PCDH15: variants seen among roughly 807,000 people sequenced by gnomAD.
PCDH15 encodes the protein protocadherin related 15, also known as protocadherin-15.
PCDH15 carries 129 observed loss-of-function variants against 178.5 expected under a neutral mutation model. That is an observed-to-expected ratio of 0.72 (90% confidence interval 0.63 to 0.84). The LOEUF is 0.84. PCDH15 is among the 40% of genes least tolerant of loss of function. PCDH15 has a pLI of 0.00. For synonymous variants in PCDH15, 800 were observed against 732.0 expected (o/e 1.09, Z -1.50); for missense variants, 2,230 against 2,099.9 (o/e 1.06, Z -1.21).
chr10:54,250,077 C>CTTTTTTTTTTTTT (rs773771288), intron 8 of PCDH15, among the ~76,000 whole-genome samples: 1 of 137,810 alleles, frequency 7.3e-6, no homozygotes, highest in African/African-American at 2.7e-5. Context: ...CCACATCCGG[C>CTTTTTTTTTTTTT]TTTTTTTTTT....
At chr10:53,925,416 C>T (rs979660639) in intron 25 of PCDH15, among the ~76,000 whole-genome samples, 2 of 152,086 alleles carry the variant, frequency 1.3e-5, no homozygotes, top group Admixed American at 6.5e-5. Context: ...CCGAACACGC[C>T]CGAACATCAG....
chr10:54,218,205 A>C (rs540320892), intron 9 of PCDH15, among the ~76,000 whole-genome samples: 28 of 152,352 alleles, frequency 1.8e-4, no homozygotes, highest in Admixed American at 1.2e-3. Context: ...AAGAAGAGTA[A>C]TAGTATCAGA....
chr10:53,811,760 C>A, intron 35 of PCDH15, 141 bp from the exon 36 acceptor site: 1 of 479,158 alleles, frequency 2.1e-6, no homozygotes. Flanking sequence ...TCAGTTAAAG[C>A]AATTAAAATT....
chr10:54,752,478 A>AAC (rs1296435535), intron 1 of PCDH15, among the ~76,000 whole-genome samples: 15 of 88,304 alleles, frequency 1.7e-4, no homozygotes, highest in Admixed American at 6.8e-4. Flanking sequence ...CTCCGTCTCA[A>AAC]AAAAAAAAAA....
intron 3 of PCDH15, among the ~76,000 whole-genome samples, chr10:54,869,526 TA>T (rs1297489276): frequency 6.6e-6 from 1 of 152,202 alleles, no homozygotes; most frequent in African/African-American, 2.4e-5. Flanking sequence ...CTCTGAAATT[TA>T]AAAAGTAGGC....
chr10:54,289,731 C>A (rs1418030239), intron 8 of PCDH15, among the ~76,000 whole-genome samples: 1 of 152,082 alleles, frequency 6.6e-6, no homozygotes, highest in Non-Finnish European at 1.5e-5. Context: ...AACCATGGCA[C>A]AAGAACTTTG....
At chr10:54,798,811 G>A (rs947502285) in intron 1 of PCDH15, among the ~76,000 whole-genome samples, 6 of 151,954 alleles carry the variant, frequency 3.9e-5, no homozygotes, top group African/African-American at 1.4e-4. Flanking sequence ...GTATATGGGG[G>A]GCTTCTGTGT....
intron 26 of PCDH15, among the ~76,000 whole-genome samples, chr10:53,887,774 A>C (rs1166799747): frequency 6.6e-6 from 1 of 152,182 alleles, no homozygotes; most frequent in Non-Finnish European, 1.5e-5. Context: ...CTGTAGTCCC[A>C]GATACTCGGG....
At position 54,752,520 on chromosome 10, in the gene PCDH15, AC is replaced by A. The variant is rs746039809; in HGVS notation, c.-29+48404del. Among the ~76,000 whole-genome samples, 456 of 81,042 alleles carry A rather than the reference AC, an allele frequency of 5.6e-3. 56 individuals are homozygous for A. Among genetic ancestry groups the A allele is most frequent in the East Asian group, 6.8e-3 (30 of 4,384 alleles). 53.2% of individuals were successfully genotyped at this position (81,042 alleles called of 152,430 possible). ...AAAACAAAAAACAAAAAACAAACAA[AC>A]AAACAAACAAAAAAAAACAATAAAA... is the stretch of plus-strand genomic sequence containing the variant. On this transcript the variant is annotated intron_variant, in intron 1 of 37. Transcript: ENST00000644397.
chr10:53,927,183 T>G (rs1279771041), intron 25 of PCDH15, among the ~76,000 whole-genome samples: 1 of 151,714 alleles, frequency 6.6e-6, no homozygotes. Flanking sequence ...AATGTTAACA[T>G]TAGTCAAAGA....
intron 2 of PCDH15, among the ~76,000 whole-genome samples, chr10:55,016,088 CTT>C (rs1214456541): frequency 2.7e-5 from 3 of 112,438 alleles, no homozygotes; most frequent in Non-Finnish European, 3.6e-5. Context: ...CCTCAATGAC[CTT>C]TTTTTTTTAA....
intron 25 of PCDH15, 108 bp downstream of exon 25, chr10:53,938,707 T>C (rs1216001717): frequency 8.3e-7 from 1 of 1,208,722 alleles, no homozygotes; most frequent in Non-Finnish European, 1.2e-6. Context: ...ATTAATGATC[T>C]TTCTATGTTG....
chr10:55,021,175 T>C (rs985133503), intron 2 of PCDH15, among the ~76,000 whole-genome samples: 1 of 152,186 alleles, frequency 6.6e-6, no homozygotes, highest in Non-Finnish European at 1.5e-5. Context: ...AATTTCAACA[T>C]TCTTTATATC....
chr10:54,826,692 T>G (rs2133746637), intron 3 of PCDH15, among the ~76,000 whole-genome samples: 1 of 152,066 alleles, frequency 6.6e-6, no homozygotes, highest in South Asian at 2.1e-4. Context: ...ACAAATAACC[T>G]GTAAGATTTC....
intron 1 of PCDH15, among the ~76,000 whole-genome samples, chr10:54,731,595 T>C (rs113665924): frequency 0.013 from 1,223 of 92,374 alleles, 15 homozygotes; most frequent in African/African-American, 0.043. Flanking sequence ...CACACACACA[T>C]ATATATATAG....
At chr10:55,015,119 G>A (rs2131947369) in intron 2 of PCDH15, among the ~76,000 whole-genome samples, 1 of 152,188 alleles carries the variant, frequency 6.6e-6, no homozygotes, top group Non-Finnish European at 1.5e-5. Context: ...TGCTTGGGAG[G>A]TTGAGGTGAG....
At chr10:54,200,134 C>T (rs571774839) in intron 10 of PCDH15, among the ~76,000 whole-genome samples, 1 of 151,962 alleles carries the variant, frequency 6.6e-6, no homozygotes, top group Admixed American at 6.6e-5. Context: ...AATATGAAAC[C>T]TTTCAAGTAG....
intron 1 of PCDH15, among the ~76,000 whole-genome samples, chr10:54,784,389 C>CACACTA (rs1950649926): frequency 6.8e-6 from 1 of 147,756 alleles, no homozygotes; most frequent in African/African-American, 2.5e-5. Context: ...GAATTTTTAC[C>CACACTA]AGACTAAGAG....
At chr10:55,021,561 T>C (rs948016364) in intron 2 of PCDH15, among the ~76,000 whole-genome samples, 2 of 152,180 alleles carry the variant, frequency 1.3e-5, no homozygotes, top group African/African-American at 2.4e-5. Flanking sequence ...CTGAAAGAAG[T>C]GAGTCTTGAC....
Sources: gnomAD v4.1 joint callset for allele counts (sites outside exome capture counted in the v4.1 genomes callset) on GRCh38, gnomAD v4.1.1 for gene constraint, MANE v1.5 for transcripts, NCBI Gene and HGNC (gene_info 2026-07-23, HGNC 2026-07-21) for gene names.